CD3D: variants seen among roughly 807,000 people sequenced by gnomAD.
The protein encoded by CD3D is CD3 delta subunit of T-cell receptor complex, also known as T-cell surface glycoprotein CD3 delta chain.
A neutral mutation model predicts 22.0 loss-of-function variants in CD3D; 22 were observed. That is an observed-to-expected ratio of 1.00 (90% CI 0.71 to 1.43). CD3D has a LOEUF of 1.43. Ranked by LOEUF, CD3D falls within the 40% of genes most tolerant of loss-of-function variation. The pLI is 0.00. For synonymous variants in CD3D, 74 were observed against 81.2 expected, an observed-to-expected ratio of 0.91 and a Z score of 0.48; for missense variants, 205 against 211.7, an observed-to-expected ratio of 0.97 and a Z score of 0.20.
rs758585177 is a variant in CD3D at position 118,339,233 on chromosome 11, AGAG to A, written c.451-9_451-7del. 19 of 1,613,168 alleles carry A rather than the reference AGAG, an allele frequency of 1.2e-5. No homozygotes were observed. In the African/African-American group the frequency reaches 1.2e-4, roughly 10 times the overall value. The stretch of plus-strand genomic sequence containing the variant: ...TCATCTCGATCTCGGAGGGGCTAAG[AGAG>A]GAGAAGAGAAAACGGTCAGGAGGCA... On this transcript the variant is annotated splice_polypyrimidine_tract_variant and splice_region_variant and intron_variant, in intron 4 of 4. Transcript: ENST00000300692.
At chr11:118,339,545 A>G in intron 3 of CD3D, 51 bp from the exon 4 acceptor site, 1 of 1,606,074 alleles carries the variant, frequency 6.2e-7, no homozygotes, top group Non-Finnish European at 8.5e-7. Flanking sequence ...GGACTGTGAG[A>G]TCCACCCTCC....
chr11:118,339,892 C>A lies in CD3D; in HGVS notation c.289G>T (p.Val97Leu), dbSNP rs1171227064. 9 of 1,613,924 alleles carry A rather than the reference C, an allele frequency of 5.6e-6. No individual in the cohort carries two copies. Among genetic ancestry groups the A allele is most frequent in the African/African-American group, 4.0e-5 (3 of 74,882 alleles). ...GCCACGGTGGCTGGATCCAGCTCCA[C>A]ACAGCTCTGGCACACTGTGGGGGAA... is the stretch of plus-strand genomic sequence containing the variant. The part of the protein sequence containing the change: ...QVHYRMCQSC[V>L]ELDPATVAGI... The change falls in exon 3 of 5, where the codon GTG (valine) becomes TTG (leucine). Residue 97 changes from valine (V) to leucine (L), a missense_variant. Transcript: ENST00000300692.
chr11:118,340,691 G>C, intron 1 of CD3D, 98 bp from the exon 2 acceptor site: 5 of 860,210 alleles, frequency 5.8e-6, no homozygotes, highest in Non-Finnish European at 5.8e-6. Context: ...CCATTTTCCT[G>C]GTCCAGGACA....
At position 118,342,604 on chromosome 11, in the gene CD3D, C is replaced by A; in HGVS notation, c.4G>T (p.Glu2Ter). The A allele has an allele frequency of 6.2e-7, 1 of 1,613,702 alleles. No homozygotes were observed. The highest frequency in any genetic ancestry group is 8.5e-7 in the Non-Finnish European group (1 of 1,179,706). ...AGGCCAGAGAGAAACGTGCTATGTT[C>A]CATCTCCCAGCGGAACTCATCCAGT... M[E>*]HSTFLSGLVL... is the part of the protein sequence containing the mutation. Residue 2 changes from glutamate to a stop codon, truncating the protein, a stop_gained, in exon 1 of 5, where the codon GAA (glutamate) becomes TAA (stop). Coordinates refer to ENST00000300692, the MANE Select transcript of CD3D (RefSeq NM_000732.6). LOFTEE classifies it high-confidence loss of function.
In CD3D at chr11:118,339,183, T is replaced by C; in HGVS notation, c.495A>G (p.Gly165=). ...RDDAQYSHLG[G]NWARNK ...AGGTTCACTTGTTCCGAGCCCAGTT[T>C]CCTCCAAGGTGGCTGTACTGAGCAT... The change falls in exon 5 of 5, where the codon GGA becomes GGG. Residue 165 remains glycine (G), a synonymous_variant. Transcript: ENST00000300692. The C allele has an allele frequency of 6.2e-7, 1 of 1,613,950 alleles. No homozygotes were observed. Among genetic ancestry groups the C allele is most frequent in the East Asian group, 2.2e-5 (1 of 44,868 alleles).
chr11:118,340,988 T>C, intron 1 of CD3D: 1 of 471,780 alleles, frequency 2.1e-6, no homozygotes, highest in Middle Eastern at 3.2e-4. Flanking sequence ...CTGCATTTTT[T>C]CTTCAAGGAA....
intron 1 of CD3D, among the ~76,000 whole-genome samples, chr11:118,341,921 C>G (rs1310570450): frequency 6.6e-6 from 1 of 152,166 alleles, no homozygotes; most frequent in Admixed American, 6.5e-5. Context: ...TTCCAGAGGC[C>G]ATCAGGCCTA....
At chr11:118,341,462 G>A (rs1382087326) in intron 1 of CD3D, among the ~76,000 whole-genome samples, 1 of 152,142 alleles carries the variant, frequency 6.6e-6, no homozygotes, top group African/African-American at 2.4e-5. Flanking sequence ...TTCATCCTGG[G>A]CTTCACACTA....
At chr11:118,341,314 G>C (rs532141997) in intron 1 of CD3D, among the ~76,000 whole-genome samples, 15 of 152,314 alleles carry the variant, frequency 9.8e-5, no homozygotes, top group Non-Finnish European at 2.1e-4. Flanking sequence ...TCTTGTGGGA[G>C]ACTTTTAGGG....
In CD3D at chr11:118,339,494, G is replaced by T; in HGVS notation, c.407C>A (p.Ala136Asp). 1 of 1,614,132 alleles carries T rather than the reference G, an allele frequency of 6.2e-7. No homozygotes were observed. Among genetic ancestry groups the T allele is most frequent in the Non-Finnish European group, 8.5e-7 (1 of 1,180,014 alleles). Reference protein sequence around the residue: ...AGHETGRLSGAADTQALLRND... With the variant: ...AGHETGRLSGDADTQALLRND... ...CCTCAACAGAGCTTGTGTGTCGGCA[G>T]CTAGAAGAACCAGAGAGAGACATCA... Residue 136 changes from alanine (A) to aspartate (D), a missense_variant and splice_region_variant, in exon 4 of 5, where the codon GCT becomes GAT. Physicochemically the swap from Ala to Asp is moderately radical, Grantham distance 126. Coordinates refer to ENST00000300692, the MANE Select transcript of CD3D (RefSeq NM_000732.6).
downstream of CD3D, chr11:118,339,074 C>CT (rs1278626972): frequency 1.7e-6 from 2 of 1,211,358 alleles, no homozygotes; most frequent in Non-Finnish European, 2.5e-6. Flanking sequence ...CAGGCACCTG[C>CT]TGAGTGAAAG....
In CD3D at chr11:118,339,733, CACACACACAA is replaced by C. The variant is rs781413216; in HGVS notation, c.406+32_406+41del. The stretch of plus-strand genomic sequence containing the variant: ...GTACACACACACACACACACACACA[CACACACACAA>C]ACACACTCTCATGCTCTGCTCTTCC... On this transcript the variant is annotated intron_variant, in intron 3 of 4. Transcript: ENST00000300692. The C allele has an allele frequency of 2.9e-4, 469 of 1,612,518 alleles. No homozygotes were observed. In the African/African-American group the frequency reaches 5.6e-3, roughly 19 times the overall value.
At position 118,339,907 on chromosome 11, in the gene CD3D, C is replaced by A; in HGVS notation, c.275-1G>T. 1 of 1,614,000 alleles carries A rather than the reference C, an allele frequency of 6.2e-7. No homozygotes were observed. Among genetic ancestry groups the A allele is most frequent in the Non-Finnish European group, 8.5e-7 (1 of 1,179,998 alleles). ...TCCAGCTCCACACAGCTCTGGCACA[C>A]TGTGGGGGAAGGGAGGAGAGAGGAG... is the stretch of plus-strand genomic sequence containing the variant. On this transcript the variant is annotated splice_acceptor_variant, in intron 2 of 4. Transcript: ENST00000300692. LOFTEE classifies it high-confidence loss of function.
chr11:118,339,437 C>T lies in CD3D; in HGVS notation c.450+14G>A, dbSNP rs768322685. On this transcript the variant is annotated intron_variant, in intron 4 of 4. Coordinates refer to ENST00000300692, the MANE Select transcript of CD3D (RefSeq NM_000732.6). ...CCCTCCCTTCATTCCTGCCTCCTTC[C>T]CCTCAACGCTCACCTGATAGACCTG... is the stretch of plus-strand genomic sequence containing the variant. The T allele has an allele frequency of 6.2e-7, 1 of 1,613,860 alleles. No individual in the cohort carries two copies. Among genetic ancestry groups the T allele is most frequent in the Non-Finnish European group, 8.5e-7 (1 of 1,179,806 alleles).
At chr11:118,339,413 C>A in intron 4 of CD3D, 38 bp downstream of exon 4, 1 of 1,610,530 alleles carries the variant, frequency 6.2e-7, no homozygotes, top group Non-Finnish European at 8.5e-7. Flanking sequence ...CCCCACTTAC[C>A]CTCCCTTCAT....
At chr11:118,339,520 A>G in intron 3 of CD3D, 26 bp from the exon 4 acceptor site, 2 of 1,613,998 alleles carry the variant, frequency 1.2e-6, no homozygotes, top group Non-Finnish European at 1.7e-6. Flanking sequence ...AGAGACATCA[A>G]TGGCCTAGCA....
chr11:118,341,988 C>T (rs559442525), intron 1 of CD3D, among the ~76,000 whole-genome samples: 6 of 152,206 alleles, frequency 3.9e-5, no homozygotes, highest in South Asian at 2.1e-4. Context: ...CAGGTACATA[C>T]GTACTGAGCT....
Position 118,339,720 on chromosome 11 carries a change from A to ACACG in CD3D, c.406+54_406+55insCGTG, listed in dbSNP as rs2134059131. 5 of 1,606,804 alleles carry ACACG rather than the reference A, an allele frequency of 3.1e-6. No homozygotes were observed. The Admixed American group carries it at 6.8e-5, about 22-fold the overall frequency. On this transcript the variant is annotated intron_variant, in intron 3 of 4. Coordinates refer to ENST00000300692, the MANE Select transcript of CD3D (RefSeq NM_000732.6). ...CATAAGCTCACTGGTACACACACACACACACACACACACACACACACAAAC... is the reference window on the plus strand; with the variant it reads ...CATAAGCTCACTGGTACACACACACACACGCACACACACACACACACACACAAAC...
At chr11:118,342,379 C>G (rs1041604467) in intron 1 of CD3D, among the ~76,000 whole-genome samples, 174 bp downstream of exon 1, 4 of 152,098 alleles carry the variant, frequency 2.6e-5, no homozygotes, top group Admixed American at 6.6e-5. Context: ...TCATGTTGCT[C>G]AGACTGGTCT....
Sources: gnomAD v4.1 joint callset for allele counts (sites outside exome capture counted in the v4.1 genomes callset) on GRCh38, gnomAD v4.1.1 for gene constraint, MANE v1.5 for transcripts, NCBI Gene and HGNC (gene_info 2026-07-23, HGNC 2026-07-21) for gene names.